MINPP1: variants seen among roughly 807,000 people sequenced by gnomAD.
MINPP1 encodes multiple inositol polyphosphate phosphatase 1.
Under a neutral mutation model 46.1 loss-of-function variants are expected in MINPP1, and 28 were observed. That is an observed-to-expected ratio of 0.61 (90% CI 0.45 to 0.83). The LOEUF is 0.83. Ranked by LOEUF, MINPP1 falls within the 40% of genes least tolerant of loss-of-function variation. The pLI is 0.00. For missense variants in MINPP1, 603 were observed against 610.0 expected (o/e 0.99, Z 0.12); for synonymous variants, 268 against 249.1 (o/e 1.08, Z -0.72).
chr10:87,505,417 C>G lies in MINPP1; in HGVS notation c.502C>G (p.Leu168Val). 2 of 1,613,820 alleles carry G rather than the reference C, an allele frequency of 1.2e-6. No individual in the cohort carries two copies. Among genetic ancestry groups the G allele is most frequent in the South Asian group, 2.2e-5 (2 of 91,080 alleles). ...ALRLASLFPA[L>V]FSRENYGRLR... ...GCGTCTGGCCTCGCTCTTCCCGGCC[C>G]TTTTCAGCCGTGAGAACTACGGCCG... Residue 168 changes from leucine to valine, a missense_variant, in exon 1 of 5, where the codon CTT becomes GTT. Coordinates refer to ENST00000371996, the MANE Select transcript of MINPP1 (RefSeq NM_004897.5). The surrounding 1 kb of genome is among the most constrained non-coding windows in gnomAD (Gnocchi z 4.4).
At chr10:87,509,510 G>A (rs3843598) in intron 2 of MINPP1, among the ~76,000 whole-genome samples, 112,224 of 152,116 alleles carry the variant, frequency 0.74, 42,132 homozygotes, top group African/African-American at 0.88. Context: ...AGGCTAATGT[G>A]GTGAACATCC....
chr10:87,508,070 G>T (rs921451903), intron 1 of MINPP1: 1 of 1,466,246 alleles, frequency 6.8e-7, no homozygotes, highest in Admixed American at 2.6e-5. Context: ...AATGTATGAT[G>T]CAATTTCATT....
At chr10:87,516,647 G>T (rs913078264) in intron 3 of MINPP1, among the ~76,000 whole-genome samples, 1 of 104,482 alleles carries the variant, frequency 9.6e-6, no homozygotes, top group African/African-American at 2.9e-5. Flanking sequence ...TTTGCAATTT[G>T]TGTCTGCTTT....
chr10:87,505,649 C>T lies in MINPP1; in HGVS notation c.637+97C>T, dbSNP rs1263066288. ...GACCCTGGGCTTTTCCGATGCCCCC[C>T]AGTTCTCTTTCCTCTTTTCCCAAGC... On this transcript the variant is annotated intron_variant, in intron 1 of 4. Transcript: ENST00000371996. The surrounding 1 kb of genome is among the most constrained non-coding windows in gnomAD (Gnocchi z 4.4). The T allele has an allele frequency of 1.3e-5, 15 of 1,131,074 alleles. No individual in the cohort carries two copies. The Admixed American group carries it at 3.2e-4, about 24-fold the overall frequency. The allele number at this position is 1,131,074 out of a possible 1,614,324, so 70.1% of individuals were successfully genotyped here.
In MINPP1 at chr10:87,552,834, C is replaced by CT; in HGVS notation, c.*356_*357insT. On this transcript the variant is annotated 3_prime_UTR_variant, in exon 5 of 5. Coordinates refer to ENST00000371996, the MANE Select transcript of MINPP1 (RefSeq NM_004897.5). ...GAGTAACAAAATATCTCAGTTGGACCATCCTTAACTTGATTGAACTGTCTA... is the reference window on the plus strand; with the variant it reads ...GAGTAACAAAATATCTCAGTTGGACCTATCCTTAACTTGATTGAACTGTCTA... 1 of 295,258 alleles carries CT rather than the reference C, an allele frequency of 3.4e-6. No homozygotes were observed. The highest frequency in any genetic ancestry group is 3.7e-5 in the South Asian group (1 of 26,822). 18.3% of individuals were successfully genotyped at this position (295,258 alleles called of 1,614,324 possible).
At chr10:87,511,802 G>A (rs1851338426) in intron 2 of MINPP1, among the ~76,000 whole-genome samples, 1 of 152,052 alleles carries the variant, frequency 6.6e-6, no homozygotes, top group African/African-American at 2.4e-5. Flanking sequence ...AGCTTCGAGT[G>A]TAAATAAGCC....
chr10:87,536,421 GTATAATTCATGTAAACTGTACA>G (rs1851736275), intron 4 of MINPP1, among the ~76,000 whole-genome samples: 1 of 152,028 alleles, frequency 6.6e-6, no homozygotes, highest in African/African-American at 2.4e-5. Context: ...CTCGATTGAG[GTATAATTCATGTAAACTGTACA>G]TATTTAAAGT....
intron 4 of MINPP1, among the ~76,000 whole-genome samples, chr10:87,527,174 A>G (rs1030477204): frequency 6.6e-5 from 10 of 152,220 alleles, no homozygotes; most frequent in Admixed American, 2.0e-4. Flanking sequence ...CTTCCTATCC[A>G]TGAGCATGGA....
In MINPP1 at chr10:87,552,296, C is replaced by T; in HGVS notation, c.1282C>T (p.Pro428Ser). The change falls in exon 5 of 5, where the codon CCT becomes TCT. Residue 428 changes from proline to serine, a missense_variant. This residue lies in a region of MINPP1 where 344 missense variants were observed against 381.1 expected (regional missense o/e 0.90). Coordinates refer to ENST00000371996, the MANE Select transcript of MINPP1 (RefSeq NM_004897.5). ...VLYHCENAKTPKEQFRVQMLL... is the reference protein window; with the variant it reads ...VLYHCENAKTSKEQFRVQMLL... ...TTACCACTGTGAAAATGCTAAGACT[C>T]CTAAAGAACAATTCCGAGTGCAGAT... 6.2e-7 allele frequency: 1 copy of T among 1,613,774 alleles called. No homozygotes were observed. The highest frequency in any genetic ancestry group is 8.5e-7 in the Non-Finnish European group (1 of 1,179,806).
chr10:87,510,017 G>C (rs1851312453), intron 2 of MINPP1, among the ~76,000 whole-genome samples: 1 of 152,112 alleles, frequency 6.6e-6, no homozygotes, highest in Non-Finnish European at 1.5e-5. Context: ...TTAAAATAAT[G>C]GATTCTGGAA....
chr10:87,508,239 G>A, intron 1 of MINPP1, 97 bp from the exon 2 acceptor site: 1 of 1,560,538 alleles, frequency 6.4e-7, no homozygotes, highest in Non-Finnish European at 8.7e-7. Context: ...TTAGTAAGAT[G>A]TTAGTGTTCC....
intron 4 of MINPP1, among the ~76,000 whole-genome samples, chr10:87,548,286 C>A (rs150388228): frequency 8.3e-4 from 126 of 152,260 alleles, no homozygotes; most frequent in African/African-American, 2.8e-3. Context: ...AGAAATGTTT[C>A]ATTTGTGTTT....
rs1264521238 is a variant in MINPP1 at position 87,508,463 on chromosome 10, A to G, written c.765A>G (p.Gly255=). 1.9e-6 allele frequency: 3 copies of G among 1,613,760 alleles called. No individual in the cohort carries two copies. Among genetic ancestry groups the G allele is most frequent in the Admixed American group, 3.3e-5 (2 of 60,002 alleles). The change falls in exon 2 of 5, where the codon GGA becomes GGG. Residue 255 remains glycine (G), a synonymous_variant. Coordinates refer to ENST00000371996, the MANE Select transcript of MINPP1 (RefSeq NM_004897.5). ...ALYHVEAFKT[G]PEMQNILKKV... ...ATCACGTGGAAGCCTTCAAAACTGG[A>G]CCAGAAATGCAGAACATTTTAAAAA...
intron 4 of MINPP1, among the ~76,000 whole-genome samples, chr10:87,536,319 G>C (rs946923896): frequency 2.0e-5 from 3 of 152,188 alleles, no homozygotes; most frequent in African/African-American, 7.2e-5. Context: ...AAGGCTTTAT[G>C]AGGAGTCTTT....
At chr10:87,542,975 G>C (rs1851837533) in intron 4 of MINPP1, among the ~76,000 whole-genome samples, 1 of 152,208 alleles carries the variant, frequency 6.6e-6, no homozygotes. Flanking sequence ...ACTTCTGAGA[G>C]ACTGGTTAAA....
intron 4 of MINPP1, among the ~76,000 whole-genome samples, chr10:87,526,476 T>G (rs1589377346): frequency 1.3e-5 from 2 of 152,192 alleles, no homozygotes; most frequent in East Asian, 3.8e-4. Flanking sequence ...TTGTAAAAAT[T>G]TTCTCCCATT....
At position 87,552,653 on chromosome 10, in the gene MINPP1, T is replaced by G. The variant is rs1053289783; in HGVS notation, c.*175T>G. 12 of 641,080 alleles carry G rather than the reference T, an allele frequency of 1.9e-5. No individual in the cohort carries two copies. The highest frequency in any genetic ancestry group is 1.1e-5 in the Non-Finnish European group (4 of 378,718). 39.7% of individuals were successfully genotyped at this position (641,080 alleles called of 1,614,324 possible). ...TTTGGACATGAAATGTAAGAAAAGATTTTTCACTGGAGCAGCTCTCTTAAG... is the reference window on the plus strand; with the variant it reads ...TTTGGACATGAAATGTAAGAAAAGAGTTTTCACTGGAGCAGCTCTCTTAAG... On this transcript the variant is annotated 3_prime_UTR_variant, in exon 5 of 5. Transcript: ENST00000371996.
At chr10:87,509,646 G>A (rs1379384168) in intron 2 of MINPP1, 5 of 238,386 alleles carry the variant, frequency 2.1e-5, no homozygotes, top group South Asian at 9.0e-5. Context: ...AGTGGTAATT[G>A]TTGTCATGAA....
chr10:87,521,320 T>C (rs1013721193), intron 4 of MINPP1, 151 bp downstream of exon 4: 4 of 616,816 alleles, frequency 6.5e-6, no homozygotes, highest in African/African-American at 5.6e-5. Context: ...CGATAACATA[T>C]ATGTAAATTA....
Sources: gnomAD v4.1 joint callset for allele counts (sites outside exome capture counted in the v4.1 genomes callset) on GRCh38, gnomAD v4.1.1 for gene constraint, gnomAD v4.1.1 regional missense constraint, Gnocchi (gnomAD v3.1) non-coding constraint, MANE v1.5 for transcripts, NCBI Gene and HGNC (gene_info 2026-07-23, HGNC 2026-07-21) for gene names.